Variants in CLSTN3 observed in about 807,000 individuals in gnomAD.
The protein encoded by CLSTN3 is calsyntenin 3, also known as calsyntenin-3.
In CLSTN3, 36 loss-of-function variants were observed where a neutral mutation model predicts 95.9. The ratio of observed to expected loss-of-function variants is 0.38; its 90% CI spans 0.29 to 0.50. CLSTN3 has a LOEUF of 0.50. Among genes scored for constraint, CLSTN3 ranks in the 20% least tolerant of loss-of-function variants. The probability of loss-of-function intolerance (pLI) is 0.95; values close to 1 mark genes in which losing one functional copy is unlikely to be tolerated. For synonymous variants in CLSTN3, 481 were observed against 504.0 expected (o/e 0.95, Z 0.61); for missense variants, 1,084 against 1,268.8 (o/e 0.85, Z 2.21).
At chr12:7,139,650 ATTATTAT>A (rs1263190438) in intron 8 of CLSTN3, among the ~76,000 whole-genome samples, 13 of 80,742 alleles carry the variant, frequency 1.6e-4, no homozygotes, top group Admixed American at 4.5e-4. Context: ...TATTATTATT[ATTATTAT>A]TTTTTTTTTT....
intron 16 of CLSTN3, among the ~76,000 whole-genome samples, chr12:7,154,852 G>A (rs1012513846): frequency 1.3e-5 from 2 of 152,202 alleles, no homozygotes; most frequent in Non-Finnish European, 2.9e-5. Flanking sequence ...AGGATCCAAT[G>A]AAGCCAGGGA....
chr12:7,154,598 A>G (rs1455631291), intron 16 of CLSTN3, among the ~76,000 whole-genome samples: 2 of 152,158 alleles, frequency 1.3e-5, no homozygotes, highest in Non-Finnish European at 2.9e-5. Context: ...AATTTTGATG[A>G]CTGCCAGAAT....
chr12:7,143,262 C>T lies in CLSTN3; in HGVS notation c.1798C>T (p.Arg600Cys), dbSNP rs781243712. The T allele has an allele frequency of 9.3e-6, 15 of 1,612,834 alleles. No homozygotes were observed. Among genetic ancestry groups the T allele is most frequent in the African/African-American group, 1.3e-5 (1 of 74,958 alleles). The change falls in exon 12 of 18, where the codon CGC becomes TGC. Residue 600 changes from arginine to cysteine, a missense_variant. By Grantham distance (180) the Arg-to-Cys change is radical. Coordinates refer to ENST00000266546, the MANE Select transcript of CLSTN3 (RefSeq NM_014718.4). ...LQHVAYMNTL[R>C]FATPGVRPLR... is the part of the protein sequence containing the mutation. ...GCATGTGGCTTACATGAACACTCTG[C>T]GCTTTGCCACGCCCGGCGTCAGGCC...
chr12:7,142,040 A>G (rs772904671), intron 9 of CLSTN3, 46 bp from the exon 10 acceptor site: 10 of 1,444,074 alleles, frequency 6.9e-6, no homozygotes, highest in Non-Finnish European at 9.4e-6. Context: ...ATCTCTCCAC[A>G]TCCCTGAGCT....
Position 7,157,756 on chromosome 12 carries a change from C to G in CLSTN3, c.2730+65C>G, listed in dbSNP as rs898515474. ...CTGTGGAGCACACACGGTGAGGACT[C>G]CTGAGGAGGGGCAGGCCTGGGTGGA... On this transcript the variant is annotated intron_variant, in intron 17 of 17. Coordinates refer to ENST00000266546, the MANE Select transcript of CLSTN3 (RefSeq NM_014718.4). This position sits in a 1 kb window ranked among gnomAD's most constrained non-coding sequence, Gnocchi z 5.9. 2.0e-6 allele frequency: 3 copies of G among 1,523,162 alleles called. No homozygotes were observed. The Admixed American group carries it at 6.0e-5, about 30-fold the overall frequency. The allele number at this position is 1,523,162 out of a possible 1,614,324, so 94.4% of individuals were successfully genotyped here.
At chr12:7,134,055 T>A (rs1292149567) in intron 3 of CLSTN3, 3 of 346,536 alleles carry the variant, frequency 8.7e-6, no homozygotes, top group South Asian at 1.4e-4. Context: ...GAATGGAGAT[T>A]GTGATGACAC....
In CLSTN3 at chr12:7,150,633, C is replaced by T. The variant is rs200914361; in HGVS notation, c.2335C>T (p.Arg779Trp). The T allele has an allele frequency of 6.9e-5, 111 of 1,614,184 alleles. No individual in the cohort carries two copies. Among genetic ancestry groups the T allele is most frequent in the Admixed American group, 8.3e-5 (5 of 60,030 alleles). The change falls in exon 15 of 18, where the codon CGG becomes TGG. Residue 779 changes from arginine (R) to tryptophan (W), a missense_variant. Arg to Trp is a moderately radical substitution (Grantham distance 101, BLOSUM62 -3). Coordinates refer to ENST00000266546, the MANE Select transcript of CLSTN3 (RefSeq NM_014718.4). The surrounding 1 kb of genome is among the most constrained non-coding windows in gnomAD (Gnocchi z 4.0). ...HGAALYTRKF[R>W]LSCSEMNGRY... ...AGCTGCCCTCTACACCAGGAAGTTC[C>T]GGCTTTCCTGCTCGGAAATGAATGG...
At position 7,130,468 on chromosome 12, in the gene CLSTN3, G is replaced by C; in HGVS notation, c.-181G>C. The C allele has an allele frequency of 6.7e-7, 1 of 1,491,804 alleles. No homozygotes were observed. Among genetic ancestry groups the C allele is most frequent in the Non-Finnish European group, 8.9e-7 (1 of 1,121,832 alleles). 92.4% of individuals were successfully genotyped at this position (1,491,804 alleles called of 1,614,324 possible). On this transcript the variant is annotated 5_prime_UTR_variant, in exon 1 of 18. Coordinates refer to ENST00000266546, the MANE Select transcript of CLSTN3 (RefSeq NM_014718.4). Reference sequence around the variant, plus strand: ...GCAAGTCCACCGCCTCAGCTACCCAGATTGGGATCTGCCCAGGCCCGCTTT... The same window carrying C: ...GCAAGTCCACCGCCTCAGCTACCCACATTGGGATCTGCCCAGGCCCGCTTT...
rs142853343 is a variant in CLSTN3, at chr12:7,149,994, C to T, written c.2245+301C>T. 6.6e-6 allele frequency among the ~76,000 whole-genome samples: 1 copy of T among 152,174 alleles called. No homozygotes were observed. Among genetic ancestry groups the T allele is most frequent in the Non-Finnish European group, 1.5e-5 (1 of 68,040 alleles). ...CCTCTCCTCCTTCGGCTCATCTCTG[C>T]CCAGCTTTCTAACCCTCTAGCTGTC... On this transcript the variant is annotated intron_variant, in intron 14 of 17. Coordinates refer to ENST00000266546, the MANE Select transcript of CLSTN3 (RefSeq NM_014718.4). This position sits in a 1 kb window ranked among gnomAD's most constrained non-coding sequence, Gnocchi z 4.5.
rs1939441528 is a variant in CLSTN3, at chr12:7,137,117, C to T, written c.1210+7C>T. On this transcript the variant is annotated splice_region_variant and intron_variant, in intron 7 of 17. Coordinates refer to ENST00000266546, the MANE Select transcript of CLSTN3 (RefSeq NM_014718.4). This position sits in a 1 kb window ranked among gnomAD's most constrained non-coding sequence, Gnocchi z 4.4. Reference sequence around the variant, plus strand: ...TGTAACACTGTCCAGAATGGTGAGCCTCCCCTCCAGGCACTAGCCAGAGGG... The same window carrying T: ...TGTAACACTGTCCAGAATGGTGAGCTTCCCCTCCAGGCACTAGCCAGAGGG... 1.9e-6 allele frequency: 3 copies of T among 1,597,678 alleles called. No homozygotes were observed. Among genetic ancestry groups the T allele is most frequent in the Non-Finnish European group, 1.7e-6 (2 of 1,170,540 alleles).
intron 16 of CLSTN3, among the ~76,000 whole-genome samples, chr12:7,152,945 T>C (rs1265200405): frequency 1.3e-5 from 2 of 152,176 alleles, no homozygotes; most frequent in Non-Finnish European, 2.9e-5. Context: ...AGATTAGTCT[T>C]ATTACTTTAG....
intron 16 of CLSTN3, chr12:7,155,910 A>T: frequency 3.9e-6 from 1 of 255,102 alleles, no homozygotes; most frequent in South Asian, 4.0e-5. Context: ...GTGGCAGCTG[A>T]GTGTGCTGGC....
chr12:7,144,663 A>G (rs950233870), intron 12 of CLSTN3, among the ~76,000 whole-genome samples: 1 of 152,074 alleles, frequency 6.6e-6, no homozygotes, highest in Non-Finnish European at 1.5e-5. Context: ...CTGCGTTCCA[A>G]TCTTGTTACC....
intron 12 of CLSTN3, 71 bp downstream of exon 12, chr12:7,143,382 C>T (rs1021903581): frequency 3.7e-5 from 57 of 1,526,922 alleles, no homozygotes; most frequent in South Asian, 1.3e-4. Context: ...TGGCCTAAGG[C>T]GTCACCTAGA....
chr12:7,152,313 C>T (rs553575405), intron 16 of CLSTN3, among the ~76,000 whole-genome samples: 93 of 152,164 alleles, frequency 6.1e-4, no homozygotes, highest in Non-Finnish European at 1.1e-3. Flanking sequence ...GGAACCCCTT[C>T]TTAGAATTGC....
At position 7,157,646 on chromosome 12, in the gene CLSTN3, C is replaced by T; in HGVS notation, c.2685C>T (p.Leu895=). ...CCAGTGACCCCAAGGACCCAGACCT[C>T]TTCTGGGATGACTCAGCTCTCACCA... ...GASSDPKDPD[L]FWDDSALTII... The change falls in exon 17 of 18, where the codon CTC becomes CTT. Residue 895 remains leucine (L), a synonymous_variant. Coordinates refer to ENST00000266546, the MANE Select transcript of CLSTN3 (RefSeq NM_014718.4). This position sits in a 1 kb window ranked among gnomAD's most constrained non-coding sequence, Gnocchi z 5.9. The T allele has an allele frequency of 6.2e-7, 1 of 1,607,304 alleles. No homozygotes were observed. Among genetic ancestry groups the T allele is most frequent in the East Asian group, 2.2e-5 (1 of 44,664 alleles).
intron 16 of CLSTN3, chr12:7,157,000 C>T (rs1939829355): frequency 2.8e-6 from 1 of 361,164 alleles, no homozygotes; most frequent in South Asian, 2.1e-5. Context: ...TGCCCTCTTC[C>T]TGCAGCCAGC....
In CLSTN3 at chr12:7,137,079, G is replaced by C; in HGVS notation, c.1179G>C (p.Glu393Asp). Residue 393 changes from glutamate to aspartate, a missense_variant, in exon 7 of 18, where the codon GAG (glutamate) becomes GAC (aspartate). By Grantham distance (45) the Glu-to-Asp change is conservative. Transcript: ENST00000266546. The surrounding 1 kb of genome is among the most constrained non-coding windows in gnomAD (Gnocchi z 4.4). The stretch of plus-strand genomic sequence containing the variant: ...CTCCCAACAAGGGCAAGAAGGAAGA[G>C]GAAACCATCGTATGTAACACTGTCC... Reference protein sequence around the residue: ...GVTPNKGKKEEETIVCNTVQN... With the variant: ...GVTPNKGKKEDETIVCNTVQN... 6.2e-7 allele frequency: 1 copy of C among 1,613,752 alleles called. No homozygotes were observed. Among genetic ancestry groups the C allele is most frequent in the South Asian group, 1.1e-5 (1 of 91,080 alleles).
In CLSTN3 at chr12:7,148,980, G is replaced by T; in HGVS notation, c.1856G>T (p.Ser619Ile). 1 of 1,614,090 alleles carries T rather than the reference G, an allele frequency of 6.2e-7. No homozygotes were observed. Among genetic ancestry groups the T allele is most frequent in the Non-Finnish European group, 8.5e-7 (1 of 1,179,948 alleles). The change falls in exon 13 of 18, where the codon AGC becomes ATC. Residue 619 changes from serine to isoleucine, a missense_variant. Physicochemically the swap from Ser to Ile is moderately radical, Grantham distance 142. Transcript: ENST00000266546. ...LRLTTAVKCF[S>I]EESCVSIPEV... ...CCTGCTTTCTTACATAGGTGCTTCAGCGAAGAGTCCTGCGTCTCCATCCCT... is the reference window on the plus strand; with the variant it reads ...CCTGCTTTCTTACATAGGTGCTTCATCGAAGAGTCCTGCGTCTCCATCCCT...
Sources: gnomAD v4.1 joint callset for allele counts (sites outside exome capture counted in the v4.1 genomes callset) on GRCh38, gnomAD v4.1.1 for gene constraint, Gnocchi (gnomAD v3.1) non-coding constraint, MANE v1.5 for transcripts, NCBI Gene and HGNC (gene_info 2026-07-23, HGNC 2026-07-21) for gene names.